CNTNAP2: variants seen among roughly 807,000 people sequenced by gnomAD.
The protein encoded by CNTNAP2 is contactin associated protein 2, also known as contactin-associated protein-like 2.
In CNTNAP2, 98 loss-of-function variants were observed where a neutral mutation model predicts 155.2. The ratio of observed to expected loss-of-function variants is 0.63; its 90% CI spans 0.54 to 0.75. CNTNAP2 has a LOEUF of 0.75. CNTNAP2 is among the 30% of genes least tolerant of loss of function. The pLI is 0.00. For missense variants in CNTNAP2, 1,727 were observed against 1,688.1 expected (o/e 1.02, Z -0.40); for synonymous variants, 651 against 631.2 (o/e 1.03, Z -0.47).
chr7:147,067,173 C>A (rs10247319), intron 4 of CNTNAP2, among the ~76,000 whole-genome samples: 4 of 151,892 alleles, frequency 2.6e-5, no homozygotes, highest in African/African-American at 9.7e-5. Flanking sequence ...CACCTGTAAT[C>A]TCAGCTACTC....
At chr7:146,624,268 G>A (rs939167765) in intron 1 of CNTNAP2, among the ~76,000 whole-genome samples, 53 of 151,824 alleles carry the variant, frequency 3.5e-4, no homozygotes, top group Admixed American at 1.5e-3. Flanking sequence ...CTTTAATAAC[G>A]TCCAAGATCA....
intron 11 of CNTNAP2, among the ~76,000 whole-genome samples, chr7:147,541,434 G>A (rs1469552237): frequency 6.6e-6 from 1 of 152,168 alleles, no homozygotes; most frequent in Non-Finnish European, 1.5e-5. Flanking sequence ...ATGACACATA[G>A]GAAGAGCTCA....
At chr7:148,211,426 C>A (rs1411105805) in intron 18 of CNTNAP2, among the ~76,000 whole-genome samples, 1 of 152,240 alleles carries the variant, frequency 6.6e-6, no homozygotes, top group Non-Finnish European at 1.5e-5. Flanking sequence ...GCTTGAGCGA[C>A]TACCTTGCTG....
At chr7:146,284,369 ATATAT>A (rs940212162) in intron 1 of CNTNAP2, among the ~76,000 whole-genome samples, 26 of 151,948 alleles carry the variant, frequency 1.7e-4, no homozygotes, top group Middle Eastern at 6.8e-3. Flanking sequence ...TTCTTTTTAA[ATATAT>A]TATATATTAA....
intron 1 of CNTNAP2, among the ~76,000 whole-genome samples, chr7:146,647,894 G>A (rs79776332): frequency 0.022 from 3,396 of 152,202 alleles, 46 homozygotes; most frequent in Middle Eastern, 0.041. Context: ...ATATTTACAT[G>A]CCACAGTTAC....
intron 3 of CNTNAP2, among the ~76,000 whole-genome samples, chr7:146,903,987 A>C (rs1796062304): frequency 6.6e-6 from 1 of 152,160 alleles, no homozygotes; most frequent in Non-Finnish European, 1.5e-5. Flanking sequence ...ATACATAATT[A>C]TTATATGTCA....
In CNTNAP2 at chr7:147,826,839, T is replaced by C. The variant is rs2116629287; in HGVS notation, c.2099-76726T>C. Among the ~76,000 whole-genome samples the C allele has an allele frequency of 2.0e-5, 3 of 152,288 alleles. No homozygotes were observed. The South Asian group carries it at 6.2e-4, about 32-fold the overall frequency. ...TTACAGTAAAATTTAATGAATTCAG[T>C]TGGTTCTTTTAACCATCATATGGTC... On this transcript the variant is annotated intron_variant, in intron 13 of 23. Transcript: ENST00000361727.
At chr7:146,505,542 G>A (rs1200834653) in intron 1 of CNTNAP2, among the ~76,000 whole-genome samples, 1 of 152,148 alleles carries the variant, frequency 6.6e-6, no homozygotes, top group East Asian at 1.9e-4. Flanking sequence ...ATGTTCCCTG[G>A]AGACTTCCTT....
chr7:147,139,228 C>T (rs1801549769), intron 8 of CNTNAP2, among the ~76,000 whole-genome samples: 1 of 152,018 alleles, frequency 6.6e-6, no homozygotes, highest in African/African-American at 2.4e-5. Context: ...CAATGTGGTC[C>T]TTTACCTTTC....
At chr7:147,464,982 A>G (rs1400847138) in intron 10 of CNTNAP2, among the ~76,000 whole-genome samples, 1 of 152,216 alleles carries the variant, frequency 6.6e-6, no homozygotes, top group Non-Finnish European at 1.5e-5. Flanking sequence ...CAGCCATAAA[A>G]AGAGTAAAAT....
intron 9 of CNTNAP2, among the ~76,000 whole-genome samples, chr7:147,319,714 A>G (rs1795310399): frequency 6.6e-6 from 1 of 152,130 alleles, no homozygotes; most frequent in South Asian, 2.1e-4. Context: ...TATATTGAAA[A>G]TATTATAGAT....
chr7:147,615,697 A>G (rs1362243157), intron 12 of CNTNAP2, among the ~76,000 whole-genome samples: 5 of 152,128 alleles, frequency 3.3e-5, no homozygotes, highest in Non-Finnish European at 7.4e-5. Flanking sequence ...GGCTTGAAAG[A>G]AAAATCGTTT....
chr7:146,471,721 T>G (rs371786012), intron 1 of CNTNAP2, among the ~76,000 whole-genome samples: 2 of 152,356 alleles, frequency 1.3e-5, no homozygotes, highest in African/African-American at 4.8e-5. Context: ...CAAAATTATT[T>G]TAATGATAAC....
intron 9 of CNTNAP2, among the ~76,000 whole-genome samples, chr7:147,388,362 G>T (rs1375937278): frequency 6.6e-6 from 1 of 152,144 alleles, no homozygotes; most frequent in Admixed American, 6.5e-5. Context: ...GTTTTGCCCA[G>T]CATAGAAACC....
At chr7:147,944,229 A>C (rs927080825) in intron 14 of CNTNAP2, among the ~76,000 whole-genome samples, 1 of 152,178 alleles carries the variant, frequency 6.6e-6, no homozygotes, top group African/African-American at 2.4e-5. Context: ...TTTTTAACAA[A>C]TATTAATATA....
chr7:146,344,635 T>C (rs7794124), intron 1 of CNTNAP2, among the ~76,000 whole-genome samples: 1 of 151,992 alleles, frequency 6.6e-6, no homozygotes, highest in Admixed American at 6.6e-5. Context: ...TGGGCCACCA[T>C]GCCCTGCTAA....
chr7:147,651,720 G>T (rs946628951), intron 13 of CNTNAP2, among the ~76,000 whole-genome samples: 2 of 152,188 alleles, frequency 1.3e-5, no homozygotes, highest in African/African-American at 4.8e-5. Context: ...GATCAACTCA[G>T]GGAGATAAGT....
intron 9 of CNTNAP2, among the ~76,000 whole-genome samples, chr7:147,314,057 C>T (rs1219204003): frequency 1.3e-5 from 2 of 152,010 alleles, no homozygotes; most frequent in South Asian, 2.1e-4. Flanking sequence ...TGATTTGACT[C>T]TCTGTTTGTC....
At chr7:148,021,663 T>A (rs2116918994) in intron 15 of CNTNAP2, among the ~76,000 whole-genome samples, 1 of 152,304 alleles carries the variant, frequency 6.6e-6, no homozygotes, top group African/African-American at 2.4e-5. Flanking sequence ...GCTGGAAAGC[T>A]ACTCTGTGCT....
Sources: allele counts gnomAD v4.1 joint callset (sites outside exome capture counted in the v4.1 genomes callset), GRCh38; gene constraint gnomAD v4.1.1; transcripts MANE v1.5; gene names NCBI Gene and HGNC (gene_info 2026-07-23, HGNC 2026-07-21).